Variants in SCFD2 observed in about 807,000 individuals in gnomAD.
SCFD2 encodes the protein sec1 family domain-containing protein 2.
Under a neutral mutation model 58.9 loss-of-function variants are expected in SCFD2, and 54 were observed. That is an observed-to-expected ratio of 0.92 (90% CI 0.74 to 1.15). The LOEUF (loss-of-function observed/expected upper bound fraction) is 1.15, where lower values mean the gene tolerates loss of function less well. SCFD2 is among the 50% of genes most tolerant of loss of function. SCFD2 has a pLI of 0.00. For missense variants in SCFD2, 805 were observed against 836.6 expected (o/e 0.96, Z 0.47); for synonymous variants, 321 against 335.9 (o/e 0.96, Z 0.49).
chr4:52,922,292 T>C (rs1187738178), intron 5 of SCFD2, among the ~76,000 whole-genome samples: 1 of 152,144 alleles, frequency 6.6e-6, no homozygotes, highest in Non-Finnish European at 1.5e-5. Flanking sequence ...CACCACAATT[T>C]TATAACACTG....
At chr4:52,881,866 G>C (rs1718617945) in intron 8 of SCFD2, among the ~76,000 whole-genome samples, 1 of 152,138 alleles carries the variant, frequency 6.6e-6, no homozygotes, top group South Asian at 2.1e-4. Flanking sequence ...TATCCACTAA[G>C]TGGCAGACTC....
chr4:53,003,710 G>C (rs927350640), intron 5 of SCFD2, among the ~76,000 whole-genome samples: 1 of 152,226 alleles, frequency 6.6e-6, no homozygotes, highest in African/African-American at 2.4e-5. Flanking sequence ...AGAGGAGACA[G>C]AAACAGGTGA....
chr4:52,912,207 A>C (rs903422741), intron 6 of SCFD2, among the ~76,000 whole-genome samples: 23 of 152,316 alleles, frequency 1.5e-4, no homozygotes, highest in African/African-American at 5.5e-4. Flanking sequence ...TGAGATAATG[A>C]ACATTATAAA....
At chr4:53,305,731 T>A (rs1732493991) in intron 3 of SCFD2, among the ~76,000 whole-genome samples, 1 of 152,198 alleles carries the variant, frequency 6.6e-6, no homozygotes, top group African/African-American at 2.4e-5. Flanking sequence ...CAGCTATCCA[T>A]TCACCTATCC....
chr4:53,164,034 TA>T (rs1400559536), intron 4 of SCFD2, among the ~76,000 whole-genome samples: 1 of 152,182 alleles, frequency 6.6e-6, no homozygotes, highest in Non-Finnish European at 1.5e-5. Flanking sequence ...TTAGCATCTC[TA>T]GGTCTCAAGT....
intron 4 of SCFD2, among the ~76,000 whole-genome samples, chr4:53,215,588 C>A: frequency 6.6e-6 from 1 of 152,116 alleles, no homozygotes; most frequent in Admixed American, 6.5e-5. Flanking sequence ...ATGTCATCTG[C>A]AAACAGGGAC....
At chr4:53,305,163 C>A (rs1732473701) in intron 3 of SCFD2, among the ~76,000 whole-genome samples, 1 of 152,044 alleles carries the variant, frequency 6.6e-6, no homozygotes, top group African/African-American at 2.4e-5. Context: ...TATATATTAA[C>A]CCATTATATA....
chr4:53,155,807 T>TA (rs1726661840), intron 4 of SCFD2, among the ~76,000 whole-genome samples: 1 of 152,220 alleles, frequency 6.6e-6, no homozygotes, highest in Admixed American at 6.5e-5. Flanking sequence ...GGACAGCAGT[T>TA]TTCTAAGTTT....
chr4:52,993,980 C>G (rs1721683852), intron 5 of SCFD2, among the ~76,000 whole-genome samples: 1 of 152,258 alleles, frequency 6.6e-6, no homozygotes, highest in African/African-American at 2.4e-5. Flanking sequence ...GCTTGGGCCC[C>G]AGCCCTCCTC....
chr4:53,072,705 C>T (rs545691969), intron 5 of SCFD2, among the ~76,000 whole-genome samples: 1 of 152,086 alleles, frequency 6.6e-6, no homozygotes, highest in East Asian at 1.9e-4. Flanking sequence ...TCAGACACCG[C>T]TTCCTCAACC....
chr4:53,233,564 A>C (rs1729504865), intron 4 of SCFD2, among the ~76,000 whole-genome samples: 2 of 152,234 alleles, frequency 1.3e-5, no homozygotes, highest in Admixed American at 1.3e-4. Context: ...CTTCTAAAGC[A>C]AGGCCAGTTA....
chr4:52,948,759 T>C (rs1002867925), intron 5 of SCFD2: 10 of 284,518 alleles, frequency 3.5e-5, no homozygotes, highest in African/African-American at 2.2e-4. Flanking sequence ...TGTGTAGTCT[T>C]CATGGGGGTG....
In SCFD2 at chr4:52,966,506, T is replaced by C. The variant is rs1720965908; in HGVS notation, c.1562-45636A>G. Reference sequence around the variant, plus strand: ...CTCTGTTTTCAGGCTCATAACAATCTCTCCCCAAATCTCAACCACCCCTTA... The same window carrying C: ...CTCTGTTTTCAGGCTCATAACAATCCCTCCCCAAATCTCAACCACCCCTTA... On this transcript the variant is annotated intron_variant, in intron 5 of 8. Transcript: ENST00000401642. 2.6e-5 allele frequency among the ~76,000 whole-genome samples: 4 copies of C among 152,210 alleles called. No homozygotes were observed. The South Asian group carries it at 6.2e-4, about 24-fold the overall frequency.
intron 4 of SCFD2, among the ~76,000 whole-genome samples, chr4:53,222,292 C>T (rs1235236482): frequency 2.6e-5 from 4 of 152,216 alleles, no homozygotes; most frequent in Admixed American, 2.6e-4. Context: ...CCTGGTGTGT[C>T]ACCATCATAG....
Position 52,999,424 on chromosome 4 carries a change from C to T in SCFD2, c.1562-78554G>A, listed in dbSNP as rs1212482248. On this transcript the variant is annotated intron_variant, in intron 5 of 8. Coordinates refer to ENST00000401642, the MANE Select transcript of SCFD2 (RefSeq NM_152540.4). ...AGTGTGTTACGAAAATGGTTGGGGGCAGGAAGGAGGTGACACAAATCAGAG... is the reference window on the plus strand; with the variant it reads ...AGTGTGTTACGAAAATGGTTGGGGGTAGGAAGGAGGTGACACAAATCAGAG... Among the ~76,000 whole-genome samples the T allele has an allele frequency of 5.9e-5, 9 of 152,244 alleles. No homozygotes were observed. The East Asian group carries it at 1.5e-3, about 26-fold the overall frequency.
chr4:53,303,405 C>A (rs1240749511), intron 3 of SCFD2, among the ~76,000 whole-genome samples: 8 of 152,120 alleles, frequency 5.3e-5, no homozygotes, highest in Non-Finnish European at 1.2e-4. Context: ...CAATGAGATA[C>A]CACCTAACAC....
At chr4:53,015,553 A>G (rs1577661078) in intron 5 of SCFD2, among the ~76,000 whole-genome samples, 1 of 152,204 alleles carries the variant, frequency 6.6e-6, no homozygotes, top group African/African-American at 2.4e-5. Context: ...CAGGCGGTTC[A>G]GATAAGACTT....
In SCFD2 at chr4:53,027,055, T is replaced by C. The variant is rs188963922; in HGVS notation, c.1562-106185A>G. Among the ~76,000 whole-genome samples, 170 of 152,322 alleles carry C rather than the reference T, an allele frequency of 1.1e-3. 1 individual carries two copies. The highest frequency in any genetic ancestry group is 1.4e-3 in the Non-Finnish European group (95 of 68,028). ...GGTAACAATCTCCTTAAGTTCCTAA[T>C]TGACCACATTATCAGTGAACAGACC... is the stretch of plus-strand genomic sequence containing the variant. On this transcript the variant is annotated intron_variant, in intron 5 of 8. Transcript: ENST00000401642.
intron 4 of SCFD2, among the ~76,000 whole-genome samples, chr4:53,147,722 A>T (rs1577776844): frequency 6.6e-6 from 1 of 152,220 alleles, no homozygotes; most frequent in East Asian, 1.9e-4. Flanking sequence ...GCCACATTAG[A>T]AGAAGAACTG....
Sources: gnomAD v4.1 joint callset for allele counts (sites outside exome capture counted in the v4.1 genomes callset) on GRCh38, gnomAD v4.1.1 for gene constraint, MANE v1.5 for transcripts, NCBI Gene and HGNC (gene_info 2026-07-23, HGNC 2026-07-21) for gene names.